Variants in LAMA2 observed in about 807,000 individuals in gnomAD.
The protein encoded by LAMA2 is laminin subunit alpha 2.
A neutral mutation model predicts 364.8 loss-of-function variants in LAMA2; 269 were observed. That is an observed-to-expected ratio of 0.74 (90% CI 0.67 to 0.82). The LOEUF is 0.82. Among genes scored for constraint, LAMA2 ranks in the 40% least tolerant of loss-of-function variants. The pLI is 0.00. For missense variants in LAMA2, 3,807 were observed against 3,873.2 expected, an observed-to-expected ratio of 0.98 and a Z score of 0.45; for synonymous variants, 1,379 against 1,370.6, an observed-to-expected ratio of 1.01 and a Z score of -0.14.
chr6:129,342,280 G>A (rs1381467629), intron 29 of LAMA2, 63 bp from the exon 30 acceptor site: 8 of 1,461,816 alleles, frequency 5.5e-6, no homozygotes, highest in Middle Eastern at 3.5e-4. Context: ...GGGACTGTAT[G>A]ATAAATTACA....
chr6:129,159,291 T>C (rs1414879630), intron 8 of LAMA2, among the ~76,000 whole-genome samples: 1 of 152,238 alleles, frequency 6.6e-6, no homozygotes, highest in Admixed American at 6.5e-5. Flanking sequence ...TGTGGCTAGA[T>C]AAAACTGTAC....
intron 44 of LAMA2, among the ~76,000 whole-genome samples, chr6:129,444,262 G>A (rs895903925): frequency 6.6e-6 from 1 of 152,142 alleles, no homozygotes; most frequent in African/African-American, 2.4e-5. Context: ...GAATAAAAGG[G>A]TCTGTAATTT....
chr6:129,067,566 A>G (rs570308539), intron 3 of LAMA2, among the ~76,000 whole-genome samples: 155 of 152,288 alleles, frequency 1.0e-3, no homozygotes, highest in African/African-American at 3.6e-3. Context: ...AAAAGTGGAA[A>G]TCTTATTAGT....
intron 1 of LAMA2, among the ~76,000 whole-genome samples, chr6:128,988,485 C>T (rs573500176): frequency 6.6e-6 from 1 of 152,204 alleles, no homozygotes; most frequent in East Asian, 1.9e-4. Context: ...TTGAACAAAA[C>T]CTGCTAAACC....
At chr6:129,510,163 G>C (rs1786456245) in intron 62 of LAMA2, among the ~76,000 whole-genome samples, 1 of 152,152 alleles carries the variant, frequency 6.6e-6, no homozygotes, top group Non-Finnish European at 1.5e-5. Context: ...ATCCAAGGAA[G>C]AAGTCAAATT....
intron 1 of LAMA2, among the ~76,000 whole-genome samples, chr6:128,936,849 A>AC (rs2114530806): frequency 6.6e-6 from 1 of 152,294 alleles, no homozygotes; most frequent in South Asian, 2.1e-4. Context: ...CAGAAGGAAG[A>AC]CCATCTGCTT....
At chr6:129,133,613 G>A (rs1221464829) in intron 4 of LAMA2, among the ~76,000 whole-genome samples, 1 of 152,124 alleles carries the variant, frequency 6.6e-6, no homozygotes, top group African/African-American at 2.4e-5. Context: ...TTAGAAATTA[G>A]CTAGCCAATG....
intron 32 of LAMA2, among the ~76,000 whole-genome samples, chr6:129,354,213 A>G: frequency 6.6e-6 from 1 of 152,276 alleles, no homozygotes; most frequent in South Asian, 2.1e-4. Context: ...AAATAGAAGA[A>G]TTTTTGTTTA....
In LAMA2 at chr6:129,353,181, C is replaced by T; in HGVS notation, c.4541C>T (p.Thr1514Ile). The T allele has an allele frequency of 1.2e-6, 2 of 1,613,718 alleles. No individual in the cohort carries two copies. The highest frequency in any genetic ancestry group is 1.7e-6 in the Non-Finnish European group (2 of 1,179,692). The change falls in exon 32 of 65, where the codon ACT (threonine) becomes ATT (isoleucine). Residue 1514 changes from threonine (T) to isoleucine (I), a missense_variant. Coordinates refer to ENST00000421865, the MANE Select transcript of LAMA2 (RefSeq NM_000426.4). ...QYCERCAPGY[T>I]GSPGNPGGSC... ...CAATTCAGGTGTGCCCCTGGCTATA[C>T]TGGCAGTCCAGGCAACCCTGGAGGC...
intron 14 of LAMA2, among the ~76,000 whole-genome samples, chr6:129,254,663 A>G (rs1786505554): frequency 6.6e-6 from 1 of 152,222 alleles, no homozygotes; most frequent in Non-Finnish European, 1.5e-5. Flanking sequence ...GACCCATTAG[A>G]TAAAATTAAT....
chr6:129,348,678 A>G (rs1776695316), intron 30 of LAMA2, among the ~76,000 whole-genome samples: 2 of 152,314 alleles, frequency 1.3e-5, no homozygotes, highest in South Asian at 4.1e-4. Flanking sequence ...AAAATACCAT[A>G]AAATAGTCAT....
At chr6:129,391,765 C>A in intron 36 of LAMA2, 112 bp downstream of exon 36, 2 of 859,194 alleles carry the variant, frequency 2.3e-6, no homozygotes, top group Non-Finnish European at 3.8e-6. Context: ...GTTTTTCCAA[C>A]CTGGAGATAT....
At chr6:129,276,235 C>G (rs1017663664) in intron 17 of LAMA2, among the ~76,000 whole-genome samples, 1 of 152,134 alleles carries the variant, frequency 6.6e-6, no homozygotes, top group Non-Finnish European at 1.5e-5. Flanking sequence ...TTATCCTACC[C>G]AACTGTTCAA....
At chr6:129,037,929 A>G (rs902492111) in intron 1 of LAMA2, among the ~76,000 whole-genome samples, 1 of 152,186 alleles carries the variant, frequency 6.6e-6, no homozygotes, top group African/African-American at 2.4e-5. Context: ...TTGGCCTCCC[A>G]AAGTGTAGTT....
At chr6:129,026,504 T>C (rs1196498883) in intron 1 of LAMA2, among the ~76,000 whole-genome samples, 1 of 152,138 alleles carries the variant, frequency 6.6e-6, no homozygotes, top group Non-Finnish European at 1.5e-5. Flanking sequence ...AAATAGTATA[T>C]ATACATGTAT....
intron 4 of LAMA2, among the ~76,000 whole-genome samples, chr6:129,129,330 T>C (rs1356178873): frequency 6.6e-6 from 1 of 152,252 alleles, no homozygotes; most frequent in East Asian, 1.9e-4. Context: ...AACTCTGGAA[T>C]GCTTATTTTA....
At chr6:129,125,551 C>T (rs976537143) in intron 4 of LAMA2, among the ~76,000 whole-genome samples, 11 of 152,248 alleles carry the variant, frequency 7.2e-5, no homozygotes, top group Admixed American at 2.6e-4. Context: ...GCATTGCAAA[C>T]GTTACATATT....
chr6:128,908,845 T>G (rs1429465417), intron 1 of LAMA2, among the ~76,000 whole-genome samples: 1 of 149,264 alleles, frequency 6.7e-6, no homozygotes, highest in Non-Finnish European at 1.5e-5. Flanking sequence ...GTCTTTGTTC[T>G]TGTCGGTTTC....
chr6:129,342,446 C>T lies in LAMA2; in HGVS notation c.4415C>T (p.Pro1472Leu). Residue 1472 changes from proline to leucine, a missense_variant, in exon 30 of 65, where the codon CCT (proline) becomes CTT (leucine). This residue lies in a region of LAMA2 where 3,333 missense variants were observed against 3,345.7 expected (regional missense o/e 1.00). Coordinates refer to ENST00000421865, the MANE Select transcript of LAMA2 (RefSeq NM_000426.4). ...LPNDCQQCACPLISSSNNFSP... is the reference protein window; with the variant it reads ...LPNDCQQCACLLISSSNNFSP... ...AATGACTGTCAGCAATGTGCCTGCC[C>T]TCTGATTTCTTCCAGTAACAAGTAA... 6.2e-7 allele frequency: 1 copy of T among 1,613,248 alleles called. No individual in the cohort carries two copies. Among genetic ancestry groups the T allele is most frequent in the East Asian group, 2.2e-5 (1 of 44,818 alleles).
Sources: gnomAD v4.1 joint callset for allele counts (sites outside exome capture counted in the v4.1 genomes callset) on GRCh38, gnomAD v4.1.1 for gene constraint, gnomAD v4.1.1 regional missense constraint, MANE v1.5 for transcripts, NCBI Gene and HGNC (gene_info 2026-07-23, HGNC 2026-07-21) for gene names.